The following FSTL4 variants were observed in gnomAD, a reference collection of about 807,000 sequenced individuals.
FSTL4 encodes follistatin like 4, also known as follistatin-related protein 4.
A neutral mutation model predicts 78.2 loss-of-function variants in FSTL4; 28 were observed. That is an observed-to-expected ratio of 0.36 (90% CI 0.27 to 0.49). The LOEUF is 0.49. FSTL4 is among the 20% of genes least tolerant of loss of function. The pLI is 0.98. For synonymous variants in FSTL4, 422 were observed against 440.5 expected (o/e 0.96, Z 0.53); for missense variants, 922 against 1,084.9 (o/e 0.85, Z 2.11).
chr5:133,464,838 C>T (rs763994193), intron 3 of FSTL4, among the ~76,000 whole-genome samples: 4 of 152,170 alleles, frequency 2.6e-5, no homozygotes, highest in Non-Finnish European at 5.9e-5. Context: ...CAAAATATAG[C>T]GGACTCAACT....
chr5:133,667,839 G>A, the FSTL4 span, among the ~76,000 whole-genome samples: 1 of 152,220 alleles, frequency 6.6e-6, no homozygotes, highest in Non-Finnish European at 1.5e-5. Context: ...CATAGGGACA[G>A]GGATGTTCAT....
chr5:133,515,747 A>G (rs927229596), intron 3 of FSTL4, among the ~76,000 whole-genome samples: 3 of 152,128 alleles, frequency 2.0e-5, no homozygotes, highest in African/African-American at 7.2e-5. Flanking sequence ...AAAAATTAGT[A>G]TTTAGAACAT....
chr5:133,529,585 T>C (rs1336083983), intron 3 of FSTL4, among the ~76,000 whole-genome samples: 1 of 152,218 alleles, frequency 6.6e-6, no homozygotes, highest in East Asian at 1.9e-4. Context: ...TGAGGTATGA[T>C]TATTATCATC....
chr5:133,676,923 G>T, the FSTL4 span, among the ~76,000 whole-genome samples: 22 of 152,140 alleles, frequency 1.4e-4, no homozygotes, highest in Non-Finnish European at 3.2e-4. Flanking sequence ...CACCACGAGG[G>T]TTTTAATCCT....
chr5:133,257,848 G>A (rs1752420349), intron 6 of FSTL4, among the ~76,000 whole-genome samples: 1 of 152,118 alleles, frequency 6.6e-6, no homozygotes, highest in South Asian at 2.1e-4. Flanking sequence ...AAAGATGATG[G>A]GCATACCTCT....
intron 3 of FSTL4, among the ~76,000 whole-genome samples, chr5:133,451,916 G>A (rs1451828913): frequency 6.6e-6 from 1 of 152,234 alleles, no homozygotes; most frequent in Non-Finnish European, 1.5e-5. Flanking sequence ...CACCAAGGTG[G>A]CCACAGCCAA....
At chr5:133,665,503 G>A in the FSTL4 span, among the ~76,000 whole-genome samples, 1 of 152,166 alleles carries the variant, frequency 6.6e-6, no homozygotes, top group Non-Finnish European at 1.5e-5. Flanking sequence ...GATATTCTAA[G>A]CCCGACATGC....
At chr5:133,428,175 CTG>C (rs1010630130) in intron 3 of FSTL4, among the ~76,000 whole-genome samples, 1 of 152,164 alleles carries the variant, frequency 6.6e-6, no homozygotes, top group African/African-American at 2.4e-5. Flanking sequence ...CGATGAAAAA[CTG>C]TGTGTGTATA....
chr5:133,398,547 C>T (rs1756132087), intron 4 of FSTL4, among the ~76,000 whole-genome samples: 2 of 152,238 alleles, frequency 1.3e-5, no homozygotes, highest in Admixed American at 1.3e-4. Flanking sequence ...GTTTGTGCAT[C>T]TCTCTACTCT....
intron 12 of FSTL4, among the ~76,000 whole-genome samples, chr5:133,220,458 C>T (rs1331840675): frequency 6.6e-6 from 1 of 152,240 alleles, no homozygotes; most frequent in Non-Finnish European, 1.5e-5. Flanking sequence ...GCTGTCTGTT[C>T]ACATTGCTGT....
chr5:133,365,282 C>T (rs577971395), intron 4 of FSTL4, among the ~76,000 whole-genome samples: 1 of 152,046 alleles, frequency 6.6e-6, no homozygotes, highest in African/African-American at 2.4e-5. Flanking sequence ...AAAAAGAACA[C>T]AAGATATCCT....
In FSTL4 at chr5:133,338,975, C is replaced by T. The variant is rs974079114; in HGVS notation, c.410-22323G>A. Among the ~76,000 whole-genome samples, 2 of 152,178 alleles carry T rather than the reference C, an allele frequency of 1.3e-5. No homozygotes were observed. Among genetic ancestry groups the T allele is most frequent in the Admixed American group, 6.5e-5 (1 of 15,286 alleles). ...GATCATGTCCCCACCAATCCTCCCC[C>T]ACTCAGTAGCTGGAGGAATCTTATG... On this transcript the variant is annotated intron_variant, in intron 4 of 15. Coordinates refer to ENST00000265342, the MANE Select transcript of FSTL4 (RefSeq NM_015082.2). The surrounding 1 kb of genome is among the most constrained non-coding windows in gnomAD (Gnocchi z 4.0).
rs925227068 is a variant in FSTL4 at position 133,398,264 on chromosome 5, C to A, written c.409+2474G>T. 2.0e-5 allele frequency among the ~76,000 whole-genome samples: 3 copies of A among 152,256 alleles called. No individual in the cohort carries two copies. The East Asian group carries it at 5.8e-4, about 29-fold the overall frequency. On this transcript the variant is annotated intron_variant, in intron 4 of 15. Transcript: ENST00000265342. The stretch of plus-strand genomic sequence containing the variant: ...TGGGAATGATCGAGGAGAGGCAGCC[C>A]AGCTCTTCTGCCCTCCCACCAGGAC...
the FSTL4 span, among the ~76,000 whole-genome samples, chr5:133,632,277 A>T: frequency 1.1e-4 from 17 of 152,312 alleles, no homozygotes; most frequent in South Asian, 3.3e-3. Flanking sequence ...TAAGGGTCTT[A>T]AATATTTTCT....
the FSTL4 span, among the ~76,000 whole-genome samples, chr5:133,802,673 C>G: frequency 6.6e-6 from 1 of 152,238 alleles, no homozygotes; most frequent in Non-Finnish European, 1.5e-5. Context: ...AAGCCTCTTC[C>G]TGTTCTATTT....
At chr5:133,553,153 C>A (rs1759722899) in intron 3 of FSTL4, among the ~76,000 whole-genome samples, 2 of 152,162 alleles carry the variant, frequency 1.3e-5, no homozygotes, top group Non-Finnish European at 2.9e-5. Context: ...GTACCCGGAA[C>A]CCACAGTCTG....
intron 4 of FSTL4, among the ~76,000 whole-genome samples, chr5:133,395,852 C>A (rs1756026061): frequency 6.6e-6 from 1 of 152,298 alleles, no homozygotes; most frequent in African/African-American, 2.4e-5. Context: ...TGAATTCTTA[C>A]CCCAGGCTCC....
intron 4 of FSTL4, among the ~76,000 whole-genome samples, chr5:133,397,747 G>A (rs1433474586): frequency 1.3e-5 from 2 of 152,162 alleles, no homozygotes; most frequent in African/African-American, 4.8e-5. Flanking sequence ...ACACACTCCA[G>A]CTGCACAAGG....
At chr5:133,368,180 G>A (rs1263686189) in intron 4 of FSTL4, among the ~76,000 whole-genome samples, 1 of 152,256 alleles carries the variant, frequency 6.6e-6, no homozygotes, top group South Asian at 2.1e-4. Flanking sequence ...GTGATTTATG[G>A]TGGGAGGCCA....
Sources: gnomAD v4.1 joint callset for allele counts (sites outside exome capture counted in the v4.1 genomes callset) on GRCh38, gnomAD v4.1.1 for gene constraint, Gnocchi (gnomAD v3.1) non-coding constraint, MANE v1.5 for transcripts, NCBI Gene and HGNC (gene_info 2026-07-23, HGNC 2026-07-21) for gene names.